The following MGAT4C variants were observed in gnomAD, a reference collection of about 807,000 sequenced individuals.
MGAT4C encodes the protein MGAT4 family member C, also known as alpha-1,3-mannosyl-glycoprotein 4-beta-N-acetylglucosaminyltransferase C.
A neutral mutation model predicts 40.1 loss-of-function variants in MGAT4C; 19 were observed. The observed-to-expected ratio is 0.47, with a 90% CI of 0.33 to 0.70. The LOEUF (loss-of-function observed/expected upper bound fraction) is 0.70. Among genes scored for constraint, MGAT4C ranks in the 30% least tolerant of loss-of-function variants. The pLI is 0.02. For synonymous variants in MGAT4C, 181 were observed against 187.1 expected (o/e 0.97, Z 0.27); for missense variants, 491 against 563.2 (o/e 0.87, Z 1.30).
chr12:86,501,097 T>A (rs1439599256), intron 2 of MGAT4C, among the ~76,000 whole-genome samples: 1 of 152,052 alleles, frequency 6.6e-6, no homozygotes, highest in Non-Finnish European at 1.5e-5. Context: ...GAAGATGGTC[T>A]CCTTAATAAT....
chr12:86,224,223 CACT>C (rs1278491826), intron 1 of MGAT4C, among the ~76,000 whole-genome samples: 1 of 152,078 alleles, frequency 6.6e-6, no homozygotes, highest in African/African-American at 2.4e-5. Flanking sequence ...CAAAGAAGGT[CACT>C]ATATATAATG....
At chr12:86,224,807 T>C (rs1951015305) in intron 1 of MGAT4C, among the ~76,000 whole-genome samples, 1 of 152,110 alleles carries the variant, frequency 6.6e-6, no homozygotes, top group South Asian at 2.1e-4. Context: ...GAGGAAAGTG[T>C]ATAGCAATAT....
At chr12:86,722,100 G>A (rs1950746420) in intron 2 of MGAT4C, among the ~76,000 whole-genome samples, 1 of 152,086 alleles carries the variant, frequency 6.6e-6, no homozygotes, top group South Asian at 2.1e-4. Context: ...GAGCACTTCA[G>A]CACTTTTCAG....
chr12:86,511,594 T>A (rs984442286), intron 2 of MGAT4C, among the ~76,000 whole-genome samples: 8 of 152,030 alleles, frequency 5.3e-5, no homozygotes, highest in African/African-American at 1.9e-4. Flanking sequence ...CAGAAATAAA[T>A]CCACAAATAT....
chr12:86,399,227 C>T (rs1357866872), intron 3 of MGAT4C, among the ~76,000 whole-genome samples: 1 of 152,102 alleles, frequency 6.6e-6, no homozygotes, highest in Non-Finnish European at 1.5e-5. Context: ...GCCTTGGCCT[C>T]CCAAAGTGCC....
At chr12:86,591,509 A>G (rs1961328858) in intron 2 of MGAT4C, among the ~76,000 whole-genome samples, 1 of 151,904 alleles carries the variant, frequency 6.6e-6, no homozygotes, top group Non-Finnish European at 1.5e-5. Flanking sequence ...TTTTTAATTG[A>G]TTTTTACATA....
At chr12:86,475,971 G>T (rs1180248230) in intron 2 of MGAT4C, among the ~76,000 whole-genome samples, 1 of 151,792 alleles carries the variant, frequency 6.6e-6, no homozygotes, top group African/African-American at 2.4e-5. Context: ...GTTTTGATAT[G>T]CAAGTAGATA....
At chr12:86,464,816 A>G (rs1385376617) in intron 2 of MGAT4C, among the ~76,000 whole-genome samples, 1 of 152,074 alleles carries the variant, frequency 6.6e-6, no homozygotes, top group Admixed American at 6.6e-5. Context: ...TGTATTGAAT[A>G]CTAATATCAT....
At chr12:86,072,253 T>C (rs1868671044) in intron 1 of MGAT4C, among the ~76,000 whole-genome samples, 1 of 152,104 alleles carries the variant, frequency 6.6e-6, no homozygotes, top group African/African-American at 2.4e-5. Context: ...GGACTGTCAC[T>C]AAACTAATTA....
At chr12:86,717,268 T>C (rs1950659557) in intron 2 of MGAT4C, among the ~76,000 whole-genome samples, 1 of 151,952 alleles carries the variant, frequency 6.6e-6, no homozygotes, top group Non-Finnish European at 1.5e-5. Context: ...AAACACCTTA[T>C]ATAAGAATAT....
chr12:86,364,315 C>T (rs568323942), intron 3 of MGAT4C, among the ~76,000 whole-genome samples: 1 of 152,058 alleles, frequency 6.6e-6, no homozygotes, highest in Non-Finnish European at 1.5e-5. Context: ...ATATTTTCAA[C>T]AAAATATAAC....
rs1485093203 is a variant in MGAT4C, at chr12:85,963,340, TAGTC to T, written c.*15945_*15948del. 1 of 151,982 alleles carries T rather than the reference TAGTC, an allele frequency of 6.6e-6. No individual in the cohort carries two copies. Among genetic ancestry groups the T allele is most frequent in the African/African-American group, 2.4e-5 (1 of 41,426 alleles). 9.4% of individuals were successfully genotyped at this position (151,982 alleles called of 1,614,324 possible). On this transcript the variant is annotated 3_prime_UTR_variant, in exon 5 of 5. Transcript: ENST00000611864. ...ATATTCTTGAAATGTAACTAGCACA[TAGTC>T]AGTGTTTCTTAACCATTTTGGGGTC...
chr12:86,707,085 C>T (rs1318909558), intron 2 of MGAT4C, among the ~76,000 whole-genome samples: 1 of 152,186 alleles, frequency 6.6e-6, no homozygotes, highest in Non-Finnish European at 1.5e-5. Context: ...CTTTAAACCT[C>T]TCTCCTTTGT....
rs569679670 is a variant in MGAT4C at position 86,353,032 on chromosome 12, AAAAT to A, written c.-119-18909_-119-18906del. Among the ~76,000 whole-genome samples, 87 of 147,372 alleles carry A rather than the reference AAAAT, an allele frequency of 5.9e-4. No homozygotes were observed. The South Asian group carries it at 7.4e-3, about 12-fold the overall frequency. On this transcript the variant is annotated intron_variant, in intron 3 of 7. Coordinates refer to the MGAT4C transcript ENST00000548651. ...TAAAGTATAATAATAATAAAATAAA[AAAAT>A]AAATAAATAAATAAATAAAATAAAT...
At chr12:86,158,219 A>T (rs1885190861) in intron 1 of MGAT4C, among the ~76,000 whole-genome samples, 1 of 152,124 alleles carries the variant, frequency 6.6e-6, no homozygotes, top group Non-Finnish European at 1.5e-5. Context: ...ACTCTCATAC[A>T]AATACATTAA....
chr12:86,798,876 T>C (rs1303203111), intron 1 of MGAT4C, among the ~76,000 whole-genome samples: 9 of 151,912 alleles, frequency 5.9e-5, no homozygotes, highest in Non-Finnish European at 1.2e-4. Flanking sequence ...CATCTTTTAT[T>C]ATTCTGTAAG....
chr12:86,252,680 T>C (rs569729928), intron 1 of MGAT4C, among the ~76,000 whole-genome samples: 1 of 151,814 alleles, frequency 6.6e-6, no homozygotes, highest in South Asian at 2.1e-4. Context: ...TACTATCATT[T>C]GGGAGATATT....
At chr12:86,070,334 A>G (rs749301202) in intron 1 of MGAT4C, among the ~76,000 whole-genome samples, 4 of 152,026 alleles carry the variant, frequency 2.6e-5, no homozygotes, top group Non-Finnish European at 5.9e-5. Context: ...GTCTTCTCAC[A>G]TTTGATTGCC....
At chr12:86,469,074 T>C (rs1957722106) in intron 2 of MGAT4C, among the ~76,000 whole-genome samples, 1 of 152,120 alleles carries the variant, frequency 6.6e-6, no homozygotes, top group African/African-American at 2.4e-5. Context: ...ATGGGGCTTG[T>C]TCTTTGATGT....
Sources: gnomAD v4.1 joint callset for allele counts (sites outside exome capture counted in the v4.1 genomes callset) on GRCh38, gnomAD v4.1.1 for gene constraint, MANE v1.5 for transcripts, NCBI Gene and HGNC (gene_info 2026-07-23, HGNC 2026-07-21) for gene names.